Variants in KATNAL2 observed in about 807,000 individuals in gnomAD.
KATNAL2 encodes katanin catalytic subunit A1 like 2.
KATNAL2 carries 52 observed loss-of-function variants against 76.3 expected under a neutral mutation model. The observed-to-expected ratio is 0.68, with a 90% CI of 0.55 to 0.86. The LOEUF is 0.86. Ranked by LOEUF, KATNAL2 falls within the 40% of genes least tolerant of loss-of-function variation. KATNAL2 has a pLI of 0.00. For synonymous variants in KATNAL2, 243 were observed against 244.2 expected (o/e 1.00, Z 0.05); for missense variants, 660 against 668.9 (o/e 0.99, Z 0.15).
intron 1 of KATNAL2, among the ~76,000 whole-genome samples, chr18:46,936,773 G>A (rs994087251): frequency 5.9e-5 from 9 of 152,026 alleles, no homozygotes; most frequent in Non-Finnish European, 7.4e-5. Context: ...CCAACATGGC[G>A]AAACCCCATC....
At chr18:46,957,553 C>CCTTTTT (rs1161903395) in intron 3 of KATNAL2, among the ~76,000 whole-genome samples, 3 of 60,512 alleles carry the variant, frequency 5.0e-5, no homozygotes, top group Admixed American at 2.1e-4. Context: ...CGCGCCTGGC[C>CCTTTTT]TTTTTTTTTT....
chr18:46,932,367 TACTAA>T (rs1482165012), intron 1 of KATNAL2, among the ~76,000 whole-genome samples: 1 of 151,934 alleles, frequency 6.6e-6, no homozygotes, highest in Non-Finnish European at 1.5e-5. Flanking sequence ...GTACACAAAC[TACTAA>T]AAGAAATTAA....
At chr18:47,059,158 G>A (rs2061556493) in intron 7 of KATNAL2, among the ~76,000 whole-genome samples, 1 of 152,224 alleles carries the variant, frequency 6.6e-6, no homozygotes, top group Non-Finnish European at 1.5e-5. Flanking sequence ...AGAGGTGAAG[G>A]TGGGGCAGGA....
Position 47,052,992 on chromosome 18 carries a change from TATTTTGTAAA to T in KATNAL2, c.240_249del (p.Val81ArgfsTer29), listed in dbSNP as rs2061377830. The stretch of plus-strand genomic sequence containing the variant: ...TATTTTGATGGAATATGAGAGTTAT[TATTTTGTAAA>T]ATTTCAGAAATACCCCAAAATTGTC... On this transcript the variant is annotated frameshift_variant, in exon 5 of 18. Transcript: ENST00000683218. LOFTEE classifies it high-confidence loss of function. 3.7e-6 allele frequency: 6 copies of T among 1,608,106 alleles called. No homozygotes were observed. Among genetic ancestry groups the T allele is most frequent in the Non-Finnish European group, 5.1e-6 (6 of 1,177,858 alleles).
chr18:47,049,372 T>C (rs2147077974), intron 4 of KATNAL2, among the ~76,000 whole-genome samples: 1 of 152,346 alleles, frequency 6.6e-6, no homozygotes, highest in Non-Finnish European at 1.5e-5. Flanking sequence ...CCAACTTGGT[T>C]CAGCAAAGGA....
At chr18:46,919,043 TACACAACACAC>T (rs1568961965) in intron 1 of KATNAL2, among the ~76,000 whole-genome samples, 2 of 151,276 alleles carry the variant, frequency 1.3e-5, no homozygotes, top group Non-Finnish European at 2.9e-5. Flanking sequence ...TGTGTATATA[TACACAACACAC>T]ACACATATTG....
intron 3 of KATNAL2, among the ~76,000 whole-genome samples, chr18:46,951,816 C>T (rs118016907): frequency 3.4e-3 from 518 of 152,202 alleles, no homozygotes; most frequent in Non-Finnish European, 6.4e-3. Context: ...CAGGGTCTTG[C>T]TCTGTCAGCA....
chr18:46,935,796 G>T (rs2059072508), intron 1 of KATNAL2, among the ~76,000 whole-genome samples: 3 of 151,884 alleles, frequency 2.0e-5, no homozygotes, highest in Non-Finnish European at 4.4e-5. Flanking sequence ...TGTGCCTGTA[G>T]TCCCAGCTAC....
At chr18:47,067,148 T>C in intron 11 of KATNAL2, 29 bp downstream of exon 11, 1 of 1,202,646 alleles carries the variant, frequency 8.3e-7, no homozygotes, top group Non-Finnish European at 1.2e-6. Flanking sequence ...TTGGGGGTTA[T>C]TTCTGTTCAC....
At chr18:46,948,403 T>C (rs2146678315) in intron 3 of KATNAL2, among the ~76,000 whole-genome samples, 1 of 151,102 alleles carries the variant, frequency 6.6e-6, no homozygotes, top group South Asian at 2.1e-4. Flanking sequence ...TGAACCAACA[T>C]GCCTGGCCGA....
chr18:46,934,334 G>A (rs1190297485), intron 1 of KATNAL2, among the ~76,000 whole-genome samples: 1 of 152,090 alleles, frequency 6.6e-6, no homozygotes, highest in African/African-American at 2.4e-5. Flanking sequence ...TTTAATGATC[G>A]CCATTCTAAC....
At position 47,101,017 on chromosome 18, in the gene KATNAL2, C is replaced by T; in HGVS notation, c.*12C>T. Reference sequence around the variant, plus strand: ...TCGAGTCTGTCTGAAACCACATTTACCCTGACCTGGCCACAAAGGCAACCA... The same window carrying T: ...TCGAGTCTGTCTGAAACCACATTTATCCTGACCTGGCCACAAAGGCAACCA... On this transcript the variant is annotated 3_prime_UTR_variant, in exon 18 of 18. Coordinates refer to ENST00000683218, the MANE Select transcript of KATNAL2 (RefSeq NM_001387690.1). 2 of 1,613,752 alleles carry T rather than the reference C, an allele frequency of 1.2e-6. No individual in the cohort carries two copies. Among genetic ancestry groups the T allele is most frequent in the Non-Finnish European group, 1.7e-6 (2 of 1,179,862 alleles).
intron 1 of KATNAL2, among the ~76,000 whole-genome samples, chr18:46,919,233 T>G (rs1161977318): frequency 6.6e-6 from 1 of 151,884 alleles, no homozygotes. Flanking sequence ...ACGCTCTAAA[T>G]TCCAGCACTT....
chr18:47,032,949 A>C (rs934389534), intron 3 of KATNAL2: 1 of 1,612,906 alleles, frequency 6.2e-7, no homozygotes, highest in Non-Finnish European at 8.5e-7. Context: ...ACCCGCATTG[A>C]CTTTGCCAAT....
chr18:47,034,010 C>A (rs2060628383), intron 3 of KATNAL2: 1 of 1,613,908 alleles, frequency 6.2e-7, no homozygotes, highest in Admixed American at 1.7e-5. Flanking sequence ...TCACGAGTGC[C>A]CTTGGATTCG....
chr18:46,960,876 C>A (rs765871964), intron 3 of KATNAL2, among the ~76,000 whole-genome samples: 1 of 152,138 alleles, frequency 6.6e-6, no homozygotes. Context: ...CCTCAGACAC[C>A]GGGTTAAAGA....
intron 3 of KATNAL2, among the ~76,000 whole-genome samples, chr18:46,958,706 C>A (rs184736157): frequency 6.6e-6 from 1 of 152,162 alleles, no homozygotes; most frequent in Non-Finnish European, 1.5e-5. Flanking sequence ...TTTTTCTTAA[C>A]CTGAATGTAA....
At position 47,101,194 on chromosome 18, in the gene KATNAL2, C is replaced by A; in HGVS notation, c.*189C>A. 1 of 605,578 alleles carries A rather than the reference C, an allele frequency of 1.7e-6. No homozygotes were observed. The highest frequency in any genetic ancestry group is 2.8e-6 in the Non-Finnish European group (1 of 356,094). 37.5% of individuals were successfully genotyped at this position (605,578 alleles called of 1,614,324 possible). A position where few individuals can be genotyped will look rare whatever the true frequency, so the allele number is the denominator to read the frequency against. ...ATTAACTTACCATTATCGATGTCAG[C>A]AAAATATTGAGAGTTTCAGTTACAT... On this transcript the variant is annotated 3_prime_UTR_variant, in exon 18 of 18. Transcript: ENST00000683218.
In KATNAL2 at chr18:47,066,944, A is replaced by G. The variant is rs990627563; in HGVS notation, c.727-77A>G. ...CTTTATATCCTATTGTAAGTCAAGT[A>G]TTCTGCTGCTCCCAAGTTTATTACA... is the stretch of plus-strand genomic sequence containing the variant. On this transcript the variant is annotated intron_variant, in intron 10 of 17. Transcript: ENST00000683218. 9 of 584,222 alleles carry G rather than the reference A, an allele frequency of 1.5e-5. No homozygotes were observed. In the Admixed American group the frequency reaches 2.0e-4, roughly 13 times the overall value. The allele number at this position is 584,222 out of a possible 1,614,324, so 36.2% of individuals were successfully genotyped here. A position where few individuals can be genotyped will look rare whatever the true frequency, so the allele number is the denominator to read the frequency against.
Sources: gnomAD v4.1 joint callset for allele counts (sites outside exome capture counted in the v4.1 genomes callset) on GRCh38, gnomAD v4.1.1 for gene constraint, MANE v1.5 for transcripts, NCBI Gene and HGNC (gene_info 2026-07-23, HGNC 2026-07-21) for gene names.